Variants in PSMA1 observed in about 807,000 individuals in gnomAD.
The protein encoded by PSMA1 is proteasome subunit alpha type-1.
PSMA1 carries 3 observed loss-of-function variants against 38.4 expected under a neutral mutation model. That is an observed-to-expected ratio of 0.08 (90% CI 0.04 to 0.20). The LOEUF is 0.20. Ranked by LOEUF, PSMA1 falls within the 10% of genes least tolerant of loss-of-function variation. The pLI, the probability that PSMA1 is intolerant of heterozygous loss-of-function variation, is 1.00. For synonymous variants in PSMA1, 101 were observed against 107.1 expected (o/e 0.94, Z 0.35); for missense variants, 227 against 325.3 (o/e 0.70, Z 2.32).
At chr11:14,508,595 A>G (rs936317677) in intron 8 of PSMA1, among the ~76,000 whole-genome samples, 1 of 138,740 alleles carries the variant, frequency 7.2e-6, no homozygotes, top group Non-Finnish European at 1.5e-5. Context: ...TGTAGGGGTA[A>G]ATAGATAGTG....
Position 14,539,746 on chromosome 11 carries a change from G to A in PSMA1, c.22-20705C>T, listed in dbSNP as rs186852945. On this transcript the variant is annotated intron_variant, in intron 2 of 10. Coordinates refer to the PSMA1 transcript ENST00000418988. ...CGCCTATAGTCCCAGCTACTCAGGA[G>A]GCTGAGGCAGGAGAATGGCGTGAAC... Among the ~76,000 whole-genome samples the A allele has an allele frequency of 9.9e-4, 150 of 152,248 alleles. 1 individual carries two copies. The highest frequency in any genetic ancestry group is 3.1e-3 in the Admixed American group (48 of 15,296).
At chr11:14,514,545 A>C (rs1030082890) in intron 4 of PSMA1, 54 bp from the exon 5 acceptor site, 1 of 1,289,774 alleles carries the variant, frequency 7.8e-7, no homozygotes. Flanking sequence ...CAACTATTCC[A>C]ATCTAAATTG....
intron 2 of PSMA1, among the ~76,000 whole-genome samples, chr11:14,566,661 A>G (rs1307884903): frequency 6.6e-6 from 1 of 152,224 alleles, no homozygotes; most frequent in Non-Finnish European, 1.5e-5. Context: ...TATTTCAATA[A>G]TCAGAACTGG....
intron 2 of PSMA1, among the ~76,000 whole-genome samples, chr11:14,591,409 C>T (rs1035613616): frequency 4.6e-5 from 7 of 152,198 alleles, no homozygotes; most frequent in Admixed American, 1.3e-4. Flanking sequence ...TGCTCCAGGG[C>T]GCCCAGTCCC....
chr11:14,638,506 CCTCTCTCT>C lies in PSMA1; in HGVS notation c.-166+4941_-166+4948del, dbSNP rs374243163. Among the ~76,000 whole-genome samples, 124 of 31,912 alleles carry C rather than the reference CCTCTCTCT, an allele frequency of 3.9e-3. 3 individuals carry two copies. Among genetic ancestry groups the C allele is most frequent in the South Asian group, 8.0e-3 (4 of 502 alleles). 20.9% of individuals were successfully genotyped at this position (31,912 alleles called of 152,430 possible). A position where few individuals can be genotyped will look rare whatever the true frequency, so the allele number is the denominator to read the frequency against. On this transcript the variant is annotated intron_variant, in intron 1 of 10. Transcript: ENST00000418988. ...TAAGTTGGCTTAGTGGAGAAACACA[CCTCTCTCT>C]CTCTCTCTCTCTCTCTCTCTCTCTC...
In PSMA1 at chr11:14,518,986, C is replaced by T; in HGVS notation, c.48+11G>A. Reference sequence around the variant, plus strand: ...CCACTTCACAGAAAAGGTTTAAAAACATTATTTTACCTGGGGGCTCCAAAC... The same window carrying T: ...CCACTTCACAGAAAAGGTTTAAAAATATTATTTTACCTGGGGGCTCCAAAC... On this transcript the variant is annotated intron_variant, in intron 2 of 9. Coordinates refer to ENST00000396394, the MANE Select transcript of PSMA1 (RefSeq NM_002786.4). 1 of 1,570,466 alleles carries T rather than the reference C, an allele frequency of 6.4e-7. No individual in the cohort carries two copies. The highest frequency in any genetic ancestry group is 8.6e-7 in the Non-Finnish European group (1 of 1,157,568).
rs11341828 is a variant in PSMA1 at position 14,532,117 on chromosome 11, G to GA, written c.22-13077dup. 8.2e-4 allele frequency among the ~76,000 whole-genome samples: 122 copies of GA among 148,880 alleles called. 2 individuals carry two copies. The highest frequency in any genetic ancestry group is 2.3e-3 in the African/African-American group (93 of 40,544). On this transcript the variant is annotated intron_variant, in intron 2 of 10. Transcript: ENST00000418988. Reference sequence around the variant, plus strand: ...GGAGTTATCCAATACTTTTTTCTGTGAAAAAAAAAAAATCCTCATCTTTTT... The same window carrying GA: ...GGAGTTATCCAATACTTTTTTCTGTGAAAAAAAAAAAAATCCTCATCTTTTT...
In PSMA1 at chr11:14,590,607, A is replaced by G. The variant is rs539532027; in HGVS notation, c.21+20359T>C. 2.0e-4 allele frequency among the ~76,000 whole-genome samples: 31 copies of G among 152,318 alleles called. No individual in the cohort carries two copies. The South Asian group carries it at 6.2e-3, about 31-fold the overall frequency. On this transcript the variant is annotated intron_variant, in intron 2 of 10. Transcript: ENST00000418988. ...GATGTAGAAGTGGGGTTGAAACCAC[A>G]TTGAAATGGGTAACACTCTCTTCTT...
chr11:14,521,327 AG>A (rs1565035505), upstream of PSMA1, among the ~76,000 whole-genome samples: 341 of 131,686 alleles, frequency 2.6e-3, 2 homozygotes, highest in African/African-American at 9.6e-3. Flanking sequence ...AATAAGAATA[AG>A]AATAATAAAA....
chr11:14,515,927 C>T (rs1851418090), intron 4 of PSMA1, among the ~76,000 whole-genome samples: 1 of 151,794 alleles, frequency 6.6e-6, no homozygotes, highest in Admixed American at 6.6e-5. Flanking sequence ...TAGGGTCTCA[C>T]TCGGCTAGGT....
At chr11:14,521,779 C>CA (rs58194476), upstream of PSMA1, among the ~76,000 whole-genome samples, 5 of 141,480 alleles carry the variant, frequency 3.5e-5, no homozygotes, top group African/African-American at 7.9e-5. Flanking sequence ...AAAAAAAAAA[C>CA]AAAAAACAAA....
At chr11:14,521,447 G>A (rs1301790981), upstream of PSMA1, among the ~76,000 whole-genome samples, 1 of 149,652 alleles carries the variant, frequency 6.7e-6, no homozygotes, top group Non-Finnish European at 1.5e-5. Flanking sequence ...AGCCATGGTC[G>A]CGCCGTTGCA....
At chr11:14,621,871 C>A (rs1045182253) in intron 1 of PSMA1, among the ~76,000 whole-genome samples, 1 of 152,120 alleles carries the variant, frequency 6.6e-6, no homozygotes, top group African/African-American at 2.4e-5. Flanking sequence ...TGGAAAAATA[C>A]AATTGATAAG....
intron 2 of PSMA1, among the ~76,000 whole-genome samples, chr11:14,529,027 C>T (rs1196212549): frequency 6.6e-6 from 1 of 151,290 alleles, no homozygotes; most frequent in East Asian, 1.9e-4. Context: ...CACACAAAGC[C>T]TGTTTGGTGT....
chr11:14,515,272 T>A (rs1349253587), intron 4 of PSMA1, among the ~76,000 whole-genome samples: 2 of 152,206 alleles, frequency 1.3e-5, no homozygotes, highest in African/African-American at 2.4e-5. Context: ...TAATCACATG[T>A]GGCTATGGAG....
In PSMA1 at chr11:14,546,150, C is replaced by CT. The variant is rs57094424; in HGVS notation, c.22-27110dup. 6.5e-3 allele frequency among the ~76,000 whole-genome samples: 913 copies of CT among 140,490 alleles called. 10 individuals are homozygous for CT. The highest frequency in any genetic ancestry group is 0.02 in the African/African-American group (751 of 37,530). The allele number at this position is 140,490 out of a possible 152,430, so 92.2% of individuals were successfully genotyped here. A position where few individuals can be genotyped will look rare whatever the true frequency, so the allele number is the denominator to read the frequency against. On this transcript the variant is annotated intron_variant, in intron 2 of 10. Coordinates refer to the PSMA1 transcript ENST00000418988. ...TCTACCTTTCTCTCTCTCTCTCTCTCTTTTTTTTTTTTTTAGTAAAGGGGA... is the reference window on the plus strand; with the variant it reads ...TCTACCTTTCTCTCTCTCTCTCTCTCTTTTTTTTTTTTTTTAGTAAAGGGGA...
chr11:14,623,310 T>C (rs1243793907), intron 1 of PSMA1, among the ~76,000 whole-genome samples: 1 of 152,162 alleles, frequency 6.6e-6, no homozygotes. Context: ...GTTCTGTATG[T>C]GAGTACAAGC....
chr11:14,636,224 G>A (rs1853111684), intron 1 of PSMA1, among the ~76,000 whole-genome samples: 3 of 152,070 alleles, frequency 2.0e-5, no homozygotes, highest in South Asian at 4.1e-4. Flanking sequence ...CCCAACTGTG[G>A]CAACTGTTCC....
intron 1 of PSMA1, among the ~76,000 whole-genome samples, chr11:14,617,685 G>GGA (rs372918060): frequency 6.9e-6 from 1 of 144,676 alleles, no homozygotes; most frequent in African/African-American, 2.6e-5. Context: ...ATATATATAC[G>GGA]TATATATATA....
Sources: allele counts gnomAD v4.1 joint callset (sites outside exome capture counted in the v4.1 genomes callset), GRCh38; gene constraint gnomAD v4.1.1; transcripts MANE v1.5; gene names NCBI Gene and HGNC (gene_info 2026-07-23, HGNC 2026-07-21).